Variants in GNG7 observed in about 807,000 individuals in gnomAD.
GNG7 encodes the protein guanine nucleotide-binding protein G(I)/G(S)/G(O) subunit gamma-7.
In GNG7, 1 loss-of-function variant was observed where a neutral mutation model predicts 4.0. The observed-to-expected ratio is 0.25, with a 90% CI of 0.09 to 1.18. The LOEUF is 1.18. Among genes scored for constraint, GNG7 ranks in the 50% most tolerant of loss-of-function variants. GNG7 has a pLI of 0.50. For synonymous variants in GNG7, 34 were observed against 36.9 expected (o/e 0.92, Z 0.29); for missense variants, 86 against 91.9 (o/e 0.94, Z 0.26).
intron 2 of GNG7, among the ~76,000 whole-genome samples, chr19:2,599,618 G>A (rs1981138290): frequency 6.6e-6 from 1 of 152,154 alleles, no homozygotes; most frequent in Non-Finnish European, 1.5e-5. Context: ...ACGGCCTAAA[G>A]GCAACATCAA....
chr19:2,537,092 G>A (rs917025679), intron 3 of GNG7, among the ~76,000 whole-genome samples: 20 of 151,644 alleles, frequency 1.3e-4, no homozygotes, highest in East Asian at 9.7e-4. Context: ...GACTACAGGT[G>A]CCCGCCACCG....
intron 3 of GNG7, among the ~76,000 whole-genome samples, chr19:2,545,895 C>T (rs1259366843): frequency 1.3e-5 from 2 of 152,148 alleles, no homozygotes; most frequent in East Asian, 1.9e-4. Flanking sequence ...GTAAAGGTTG[C>T]GGTGAGCCAA....
At position 2,657,356 on chromosome 19, in the gene GNG7, AAAAAAATATATATATATATATATAT is replaced by A. The variant is rs1243048550; in HGVS notation, c.-134-11101_-134-11077del. Among the ~76,000 whole-genome samples, 69 of 22,682 alleles carry A rather than the reference AAAAAAATATATATATATATATATAT, an allele frequency of 3.0e-3. 4 individuals carry two copies. The highest frequency in any genetic ancestry group is 7.7e-3 in the African/African-American group (67 of 8,686). 14.9% of individuals were successfully genotyped at this position (22,682 alleles called of 152,430 possible). A position where few individuals can be genotyped will look rare whatever the true frequency, so the allele number is the denominator to read the frequency against. ...CTCAATTAAAAAAAAAAAAAAAAAAAAAAAAATATATATATATATATATATATATATATATATATATATACACATA... is the reference window on the plus strand; with the variant it reads ...CTCAATTAAAAAAAAAAAAAAAAAAAATATATATATATATATATACACATA... On this transcript the variant is annotated intron_variant, in intron 1 of 4. Coordinates refer to ENST00000382159, the MANE Select transcript of GNG7 (RefSeq NM_052847.3).
chr19:2,644,357 ATATATATATATATATATATATAT>A (rs1982604824), intron 2 of GNG7, among the ~76,000 whole-genome samples: 1 of 19,624 alleles, frequency 5.1e-5, no homozygotes, highest in African/African-American at 2.6e-4. Context: ...ATATATATAT[ATATATATATATATATATATATAT>A]AATGCTCTAT....
intron 2 of GNG7, among the ~76,000 whole-genome samples, chr19:2,625,321 T>C (rs1209181382): frequency 1.3e-5 from 2 of 152,208 alleles, no homozygotes; most frequent in Non-Finnish European, 2.9e-5. Flanking sequence ...ATTCTCTCAC[T>C]TCAGCACCCC....
Position 2,634,636 on chromosome 19 carries a change from G to C in GNG7, c.-78+11588C>G, listed in dbSNP as rs1182003447. ...GGGGAGGGTGGTAGCAATGAGCTGT[G>C]ACCTTCCGGGAGCAGAGCGTTTTCA... On this transcript the variant is annotated intron_variant, in intron 2 of 4. Coordinates refer to ENST00000382159, the MANE Select transcript of GNG7 (RefSeq NM_052847.3). This position sits in a 1 kb window ranked among gnomAD's most constrained non-coding sequence, Gnocchi z 5.3. 6.6e-6 allele frequency among the ~76,000 whole-genome samples: 1 copy of C among 152,160 alleles called. No homozygotes were observed. The highest frequency in any genetic ancestry group is 1.5e-5 in the Non-Finnish European group (1 of 68,032).
chr19:2,578,530 C>A (rs1980409208), intron 2 of GNG7, among the ~76,000 whole-genome samples: 1 of 152,240 alleles, frequency 6.6e-6, no homozygotes, highest in Non-Finnish European at 1.5e-5. Context: ...AATTCACGAG[C>A]AACGCCCGCC....
chr19:2,519,152 T>TTC (rs1568229458), intron 4 of GNG7, among the ~76,000 whole-genome samples: 1 of 137,926 alleles, frequency 7.3e-6, no homozygotes, highest in African/African-American at 2.7e-5. Context: ...GTTTCTTTTT[T>TTC]TTTTTTTTTT....
intron 2 of GNG7, among the ~76,000 whole-genome samples, chr19:2,602,434 T>C (rs1981229342): frequency 6.6e-6 from 1 of 152,194 alleles, no homozygotes; most frequent in South Asian, 2.1e-4. Context: ...TGCACGCTTT[T>C]AAGCAGATCC....
intron 2 of GNG7, among the ~76,000 whole-genome samples, chr19:2,564,152 C>T (rs79300980): frequency 0.016 from 2,387 of 152,254 alleles, 69 homozygotes; most frequent in African/African-American, 0.054. Context: ...AAGCTCACGT[C>T]CTCCTGGAAG....
At chr19:2,547,081 C>CA (rs1979154085) in intron 3 of GNG7, among the ~76,000 whole-genome samples, 2 of 151,664 alleles carry the variant, frequency 1.3e-5, no homozygotes, top group African/African-American at 4.8e-5. Flanking sequence ...CATGCCCCCC[C>CA]CCCAGAAAAC....
At chr19:2,650,377 C>T (rs1047348623) in intron 1 of GNG7, among the ~76,000 whole-genome samples, 2 of 151,902 alleles carry the variant, frequency 1.3e-5, no homozygotes, top group Non-Finnish European at 2.9e-5. Flanking sequence ...TTAGTAGAGA[C>T]GGGGTTTCCT....
intron 2 of GNG7, among the ~76,000 whole-genome samples, chr19:2,615,629 A>ATTTTTTTTTTTTTTTTTTTTTTTTTTTT (rs1195029403): frequency 1.3e-5 from 2 of 149,418 alleles, no homozygotes; most frequent in Non-Finnish European, 1.5e-5. Flanking sequence ...CGCCTGGCTA[A>ATTTTTTTTTTTTTTTTTTTTTTTTTTTT]TTTTTTTGTA....
At chr19:2,575,659 A>G (rs1164034171) in intron 2 of GNG7, among the ~76,000 whole-genome samples, 1 of 146,696 alleles carries the variant, frequency 6.8e-6, no homozygotes, top group Non-Finnish European at 1.5e-5. Context: ...ACACGCAGGC[A>G]CACGCAGGCA....
At chr19:2,676,196 C>A (rs1983589393) in intron 1 of GNG7, among the ~76,000 whole-genome samples, 1 of 152,232 alleles carries the variant, frequency 6.6e-6, no homozygotes, top group East Asian at 1.9e-4. Context: ...CCTGCCCACA[C>A]CTTCGTCTCA....
intron 1 of GNG7, among the ~76,000 whole-genome samples, chr19:2,695,101 C>T (rs1022812962): frequency 2.0e-5 from 3 of 151,966 alleles, no homozygotes; most frequent in Non-Finnish European, 2.9e-5. Context: ...TGCTTGAGCC[C>T]GGAGTTTGAG....
At chr19:2,616,458 T>C (rs748765986) in intron 2 of GNG7, among the ~76,000 whole-genome samples, 3 of 151,986 alleles carry the variant, frequency 2.0e-5, no homozygotes, top group Non-Finnish European at 2.9e-5. Context: ...TTAGCCAGGC[T>C]AGAGACTCCA....
At chr19:2,684,506 A>G (rs551443708) in intron 1 of GNG7, among the ~76,000 whole-genome samples, 1 of 152,180 alleles carries the variant, frequency 6.6e-6, no homozygotes, top group South Asian at 2.1e-4. Flanking sequence ...GCACGGATCA[A>G]CGTAGCGTGG....
chr19:2,580,269 GCTCT>G (rs1980464176), intron 2 of GNG7, among the ~76,000 whole-genome samples: 1 of 146,650 alleles, frequency 6.8e-6, no homozygotes, highest in Admixed American at 6.8e-5. Context: ...CAGCCCTGCT[GCTCT>G]CTGTCTGGTT....
Sources: allele counts gnomAD v4.1 joint callset (sites outside exome capture counted in the v4.1 genomes callset), GRCh38; gene constraint gnomAD v4.1.1; non-coding constraint Gnocchi (gnomAD v3.1); transcripts MANE v1.5; gene names NCBI Gene and HGNC (gene_info 2026-07-23, HGNC 2026-07-21).